Variants in RBFOX3 observed in about 807,000 individuals in gnomAD.
RBFOX3 encodes RNA binding protein fox-1 homolog 3.
Under a neutral mutation model 48.7 loss-of-function variants are expected in RBFOX3, and 17 were observed. The observed-to-expected ratio is 0.35, with a 90% CI of 0.24 to 0.52. The LOEUF (loss-of-function observed/expected upper bound fraction) is 0.52, where lower values mean the gene tolerates loss of function less well. RBFOX3 is among the 20% of genes least tolerant of loss of function. The probability of loss-of-function intolerance (pLI) is 0.94; values close to 1 mark genes in which losing one functional copy is unlikely to be tolerated. For missense variants in RBFOX3, 382 were observed against 497.5 expected, an observed-to-expected ratio of 0.77 and a Z score of 2.21; for synonymous variants, 212 against 209.5, an observed-to-expected ratio of 1.01 and a Z score of -0.10.
At chr17:79,097,850 T>G in intron 9 of RBFOX3, 105 bp from the exon 10 acceptor site, 33 of 1,200,766 alleles carry the variant, frequency 2.7e-5, no homozygotes, top group Middle Eastern at 1.9e-4. Context: ...CTTGGGAACA[T>G]TCCCAGGGCG....
chr17:79,325,718 C>A (rs527978828), intron 2 of RBFOX3, among the ~76,000 whole-genome samples: 1 of 152,312 alleles, frequency 6.6e-6, no homozygotes, highest in Non-Finnish European at 1.5e-5. Flanking sequence ...CTTTCCCTAC[C>A]TCCCCCTCCG....
intron 1 of RBFOX3, among the ~76,000 whole-genome samples, chr17:79,533,590 G>T (rs2088200145): frequency 6.6e-6 from 1 of 152,208 alleles, no homozygotes; most frequent in Admixed American, 6.5e-5. Flanking sequence ...AGCCCAGGGT[G>T]CCCCGAGCAT....
the RBFOX3 span, among the ~76,000 whole-genome samples, chr17:79,616,324 T>G: frequency 6.6e-6 from 1 of 151,922 alleles, no homozygotes; most frequent in Non-Finnish European, 1.5e-5. Flanking sequence ...CCACCTGAGG[T>G]CAGGAGCTCA....
intron 1 of RBFOX3, among the ~76,000 whole-genome samples, chr17:79,524,466 C>T (rs1037417502): frequency 2.6e-5 from 4 of 152,214 alleles, no homozygotes; most frequent in African/African-American, 4.8e-5. Context: ...TTCACTCTCA[C>T]GGCGGGCATT....
At chr17:79,099,827 G>A (rs1034519279) in intron 9 of RBFOX3, 4 of 152,188 alleles carry the variant, frequency 2.6e-5, no homozygotes, top group Non-Finnish European at 5.9e-5. Flanking sequence ...GTTAACACCT[G>A]GGCAAACCTG....
chr17:79,302,269 T>C (rs1013836653), intron 3 of RBFOX3, among the ~76,000 whole-genome samples: 2 of 152,172 alleles, frequency 1.3e-5, no homozygotes, highest in African/African-American at 2.4e-5. Flanking sequence ...TATTGTCCCA[T>C]TTCATGGATA....
chr17:79,126,155 G>A (rs899133186), intron 4 of RBFOX3, among the ~76,000 whole-genome samples: 9 of 152,202 alleles, frequency 5.9e-5, no homozygotes, highest in South Asian at 2.1e-4. Context: ...TCCTGGACGC[G>A]TCTGCCACAT....
intron 4 of RBFOX3, among the ~76,000 whole-genome samples, chr17:79,191,630 G>T (rs574327865): frequency 9.2e-5 from 14 of 152,336 alleles, no homozygotes; most frequent in Admixed American, 3.3e-4. Flanking sequence ...ATGGAGTGAC[G>T]AGGCGGCCGG....
the RBFOX3 span, among the ~76,000 whole-genome samples, chr17:79,630,676 CT>C: frequency 4.6e-5 from 7 of 152,166 alleles, no homozygotes; most frequent in Non-Finnish European, 1.0e-4. Flanking sequence ...AAGTTTCATC[CT>C]TACAAAATAT....
chr17:79,435,837 C>T (rs1231172593), intron 2 of RBFOX3, among the ~76,000 whole-genome samples: 1 of 152,244 alleles, frequency 6.6e-6, no homozygotes. Flanking sequence ...CCTTGCACAT[C>T]CCCGGCCACC....
chr17:79,329,459 T>C (rs1363500192), intron 2 of RBFOX3, among the ~76,000 whole-genome samples: 1 of 152,116 alleles, frequency 6.6e-6, no homozygotes, highest in Non-Finnish European at 1.5e-5. Flanking sequence ...ACCGTAGCAG[T>C]TCCTGCTGAT....
chr17:79,295,729 C>T (rs2074233431), intron 3 of RBFOX3, among the ~76,000 whole-genome samples: 1 of 152,152 alleles, frequency 6.6e-6, no homozygotes, highest in South Asian at 2.1e-4. Flanking sequence ...TGTGTCCATC[C>T]CACAAGGATG....
chr17:79,245,556 G>A (rs2063046980), intron 3 of RBFOX3, among the ~76,000 whole-genome samples: 1 of 148,304 alleles, frequency 6.7e-6, no homozygotes, highest in African/African-American at 2.6e-5. Flanking sequence ...AGTCCTTTGT[G>A]AGGCTGAGTG....
chr17:79,217,296 T>G (rs2059183483), intron 4 of RBFOX3, among the ~76,000 whole-genome samples: 1 of 152,088 alleles, frequency 6.6e-6, no homozygotes, highest in Non-Finnish European at 1.5e-5. Context: ...GCCATGCCCA[T>G]GGGAGGTGGA....
intron 4 of RBFOX3, among the ~76,000 whole-genome samples, chr17:79,144,121 C>T (rs1228169487): frequency 1.3e-5 from 2 of 152,172 alleles, no homozygotes; most frequent in African/African-American, 4.8e-5. Flanking sequence ...CAGAGGATGT[C>T]GTGTGTGGGT....
Position 79,421,200 on chromosome 17 carries a change from C to T in RBFOX3, c.-175+61254G>A, listed in dbSNP as rs1005426813. Among the ~76,000 whole-genome samples the T allele has an allele frequency of 2.0e-5, 3 of 152,218 alleles. No individual in the cohort carries two copies. Among genetic ancestry groups the T allele is most frequent in the Non-Finnish European group, 4.4e-5 (3 of 68,034 alleles). On this transcript the variant is annotated intron_variant, in intron 2 of 14. Coordinates refer to ENST00000693108, the MANE Select transcript of RBFOX3 (RefSeq NM_001350451.2). The surrounding 1 kb of genome is among the most constrained non-coding windows in gnomAD (Gnocchi z 4.5). The stretch of plus-strand genomic sequence containing the variant: ...AACCTACAGGCCTCCATGCCCTAAC[C>T]TCCGCGGCCGCTTCTCTCAGCTGGT...
chr17:79,156,760 G>T (rs2707030), intron 4 of RBFOX3, among the ~76,000 whole-genome samples: 87,273 of 152,076 alleles, frequency 0.57, 28,999 homozygotes, highest in Non-Finnish European at 0.73. Flanking sequence ...GCCTCGTACG[G>T]ACTGGGCTGG....
At chr17:79,379,471 C>G (rs887182789) in intron 2 of RBFOX3, among the ~76,000 whole-genome samples, 7 of 152,332 alleles carry the variant, frequency 4.6e-5, no homozygotes, top group African/African-American at 1.7e-4. Context: ...TTGTCTCCAT[C>G]TTCACACCTT....
At chr17:79,373,009 G>C (rs2058757607) in intron 2 of RBFOX3, among the ~76,000 whole-genome samples, 1 of 152,192 alleles carries the variant, frequency 6.6e-6, no homozygotes, top group African/African-American at 2.4e-5. Context: ...GGTGGATGGG[G>C]CCGGCCCACT....
Sources: gnomAD v4.1 joint callset for allele counts (sites outside exome capture counted in the v4.1 genomes callset) on GRCh38, gnomAD v4.1.1 for gene constraint, Gnocchi (gnomAD v3.1) non-coding constraint, MANE v1.5 for transcripts, NCBI Gene and HGNC (gene_info 2026-07-23, HGNC 2026-07-21) for gene names.